GUCY1A2: variants seen among roughly 807,000 people sequenced by gnomAD.
GUCY1A2 encodes guanylate cyclase 1 soluble subunit alpha 2, also known as guanylate cyclase soluble subunit alpha-2.
GUCY1A2 carries 27 observed loss-of-function variants against 63.5 expected under a neutral mutation model. The observed-to-expected ratio is 0.43, with a 90% confidence interval of 0.31 to 0.59. The LOEUF is 0.59. Ranked by LOEUF, GUCY1A2 falls within the 20% of genes least tolerant of loss-of-function variation. The pLI, the probability that GUCY1A2 is intolerant of heterozygous loss-of-function variation, is 0.11. For missense variants in GUCY1A2, 768 were observed against 913.3 expected (o/e 0.84, Z 2.05); for synonymous variants, 364 against 343.5 (o/e 1.06, Z -0.66).
intron 3 of GUCY1A2, among the ~76,000 whole-genome samples, chr11:106,946,760 GTGATGAAAAT>G (rs1180019319): frequency 6.6e-6 from 1 of 152,112 alleles, no homozygotes; most frequent in African/African-American, 2.4e-5. Context: ...TCTTTTTGGA[GTGATGAAAAT>G]GTTCTAAAAT....
At chr11:106,778,214 GTACTAAA>G (rs1864394214) in intron 5 of GUCY1A2, among the ~76,000 whole-genome samples, 1 of 152,116 alleles carries the variant, frequency 6.6e-6, no homozygotes, top group Non-Finnish European at 1.5e-5. Flanking sequence ...ATGAAAAATT[GTACTAAA>G]TGCACAATTC....
intron 6 of GUCY1A2, among the ~76,000 whole-genome samples, chr11:106,757,437 T>C (rs1863994071): frequency 6.7e-6 from 1 of 149,984 alleles, no homozygotes; most frequent in Non-Finnish European, 1.5e-5. Flanking sequence ...GGCATTGTGA[T>C]TTTTGGAATT....
intron 4 of GUCY1A2, among the ~76,000 whole-genome samples, chr11:106,852,955 G>A (rs1008020828): frequency 6.6e-6 from 1 of 152,058 alleles, no homozygotes; most frequent in Non-Finnish European, 1.5e-5. Flanking sequence ...TTCAGCACTT[G>A]GAATAGATCA....
At chr11:106,835,841 C>T (rs754232097) in intron 4 of GUCY1A2, among the ~76,000 whole-genome samples, 16 of 151,662 alleles carry the variant, frequency 1.1e-4, no homozygotes, top group Non-Finnish European at 1.9e-4. Flanking sequence ...CCATGAATAA[C>T]ACAAAAGAAA....
chr11:106,776,659 A>G (rs755774284), intron 5 of GUCY1A2, 77 bp from the exon 6 acceptor site: 23 of 1,356,162 alleles, frequency 1.7e-5, no homozygotes, highest in Non-Finnish European at 2.2e-5. Flanking sequence ...CTGCAATCAC[A>G]AATGTTGCTG....
rs1264410518 is a variant in GUCY1A2 at position 107,011,542 on chromosome 11, A to G, written c.303+6211T>C. Among the ~76,000 whole-genome samples the G allele has an allele frequency of 2.2e-4, 33 of 146,856 alleles. No individual in the cohort carries two copies. The Admixed American group carries it at 2.3e-3, about 10-fold the overall frequency. On this transcript the variant is annotated intron_variant, in intron 1 of 7. Coordinates refer to ENST00000526355, the MANE Select transcript of GUCY1A2 (RefSeq NM_000855.3). ...ATAAAATATATTTTTAATATATTAA[A>G]TATATAAATATATTTATAATATATA...
chr11:106,674,143 C>T lies in GUCY1A2; in HGVS notation c.*13406G>A. On this transcript the variant is annotated 3_prime_UTR_variant, in exon 8 of 8. Transcript: ENST00000526355. ...TGAATTATGTAAATATAACACAGAA[C>T]TATCATTTCCACTTTGTTTTATAAG... is the stretch of plus-strand genomic sequence containing the variant. 5.5e-6 allele frequency: 1 copy of T among 182,794 alleles called. No homozygotes were observed. Among genetic ancestry groups the T allele is most frequent in the Non-Finnish European group, 1.2e-5 (1 of 85,788 alleles). 11.3% of individuals were successfully genotyped at this position (182,794 alleles called of 1,614,324 possible).
chr11:106,945,945 AC>A (rs1418757554), intron 3 of GUCY1A2, among the ~76,000 whole-genome samples: 1 of 152,210 alleles, frequency 6.6e-6, no homozygotes, highest in Non-Finnish European at 1.5e-5. Flanking sequence ...AGCCTGGGCA[AC>A]AAGAGCGAAA....
At chr11:106,891,553 A>G (rs1009775406) in intron 4 of GUCY1A2, among the ~76,000 whole-genome samples, 1 of 152,094 alleles carries the variant, frequency 6.6e-6, no homozygotes, top group Non-Finnish European at 1.5e-5. Context: ...TTGCTCTAGA[A>G]GCTGTATTTA....
intron 6 of GUCY1A2, among the ~76,000 whole-genome samples, chr11:106,709,866 G>A (rs1364155374): frequency 1.1e-4 from 10 of 90,036 alleles, no homozygotes; most frequent in South Asian, 3.4e-4. Context: ...TTATATACAC[G>A]TATAGAATAT....
At chr11:106,953,380 C>T (rs1860937553) in intron 3 of GUCY1A2, among the ~76,000 whole-genome samples, 1 of 152,150 alleles carries the variant, frequency 6.6e-6, no homozygotes, top group Admixed American at 6.6e-5. Flanking sequence ...AGCCCACTTG[C>T]TCATGGTGGA....
At chr11:106,972,999 G>A (rs1861215610) in intron 3 of GUCY1A2, among the ~76,000 whole-genome samples, 1 of 152,000 alleles carries the variant, frequency 6.6e-6, no homozygotes, top group South Asian at 2.1e-4. Flanking sequence ...TTACATATAG[G>A]AAGCAGTGTC....
At chr11:106,761,376 CAAGAA>C (rs1303096568) in intron 6 of GUCY1A2, among the ~76,000 whole-genome samples, 2 of 152,094 alleles carry the variant, frequency 1.3e-5, no homozygotes, top group African/African-American at 4.8e-5. Flanking sequence ...AGCTAAACCA[CAAGAA>C]AAGAAGGATG....
At chr11:106,884,957 GCT>G (rs1859878827) in intron 4 of GUCY1A2, among the ~76,000 whole-genome samples, 3 of 152,040 alleles carry the variant, frequency 2.0e-5, no homozygotes, top group Admixed American at 6.6e-5. Flanking sequence ...CCACTCAATA[GCT>G]CTCTTTTTTC....
At chr11:106,799,973 A>C (rs557021906) in intron 5 of GUCY1A2, among the ~76,000 whole-genome samples, 13 of 152,152 alleles carry the variant, frequency 8.5e-5, no homozygotes, top group African/African-American at 2.4e-4. Context: ...AATGGGAGAA[A>C]ATTTTTGCAA....
chr11:106,774,277 G>A (rs143951637), intron 6 of GUCY1A2, among the ~76,000 whole-genome samples: 1,939 of 151,880 alleles, frequency 0.013, 26 homozygotes, highest in South Asian at 0.05. Context: ...GATTACAGAC[G>A]CCCGCCACCA....
chr11:106,728,494 C>A (rs894741461), intron 6 of GUCY1A2, among the ~76,000 whole-genome samples: 7 of 152,126 alleles, frequency 4.6e-5, no homozygotes, highest in Non-Finnish European at 1.0e-4. Flanking sequence ...AGCATCAAAT[C>A]ATTTTTCCCA....
rs1294702611 is a variant in GUCY1A2, at chr11:106,685,965, T to A, written c.*1584A>T. 4.5e-6 allele frequency: 1 copy of A among 221,824 alleles called. No homozygotes were observed. Among genetic ancestry groups the A allele is most frequent in the Non-Finnish European group, 9.0e-6 (1 of 110,930 alleles). 13.7% of individuals were successfully genotyped at this position (221,824 alleles called of 1,614,324 possible). ...TGAACCTCATAGACTACATTGGAAA[T>A]TAGTAAATATATTCCTTAACTGAGT... is the stretch of plus-strand genomic sequence containing the variant. On this transcript the variant is annotated 3_prime_UTR_variant, in exon 8 of 8. Transcript: ENST00000526355.
At chr11:106,841,368 T>C (rs1435206228) in intron 4 of GUCY1A2, among the ~76,000 whole-genome samples, 3 of 151,914 alleles carry the variant, frequency 2.0e-5, no homozygotes, top group Non-Finnish European at 2.9e-5. Flanking sequence ...ACACTTATCA[T>C]GCTTGAAATG....
Sources: allele counts gnomAD v4.1 joint callset (sites outside exome capture counted in the v4.1 genomes callset), GRCh38; gene constraint gnomAD v4.1.1; transcripts MANE v1.5; gene names NCBI Gene and HGNC (gene_info 2026-07-23, HGNC 2026-07-21).